Variants in SETBP1 observed in about 807,000 individuals in gnomAD.
The protein encoded by SETBP1 is SET binding protein 1, also known as SET-binding protein.
Under a neutral mutation model 101.0 loss-of-function variants are expected in SETBP1, and 9 were observed. The ratio of observed to expected loss-of-function variants is 0.09; its 90% CI spans 0.05 to 0.16. The LOEUF is 0.16. Among genes scored for constraint, SETBP1 ranks in the 10% least tolerant of loss-of-function variants. The probability of loss-of-function intolerance (pLI) is 1.00; values close to 1 mark genes in which losing one functional copy is unlikely to be tolerated. For synonymous variants in SETBP1, 818 were observed against 788.5 expected, an observed-to-expected ratio of 1.04 and a Z score of -0.63; for missense variants, 1,858 against 2,033.8, an observed-to-expected ratio of 0.91 and a Z score of 1.66.
chr18:44,700,886 A>C (rs1364467966), intron 1 of SETBP1, among the ~76,000 whole-genome samples: 2 of 151,916 alleles, frequency 1.3e-5, no homozygotes, highest in Non-Finnish European at 2.9e-5. Context: ...GTATAAAGAA[A>C]CCTCTAGCTT....
chr18:44,708,753 GAAAAGA>G (rs1412879103), intron 2 of SETBP1, among the ~76,000 whole-genome samples: 91 of 151,766 alleles, frequency 6.0e-4, no homozygotes, highest in Non-Finnish European at 1.0e-3. Flanking sequence ...GAAAAGAAAA[GAAAAGA>G]AAAGAAAAAG....
intron 4 of SETBP1, among the ~76,000 whole-genome samples, chr18:45,019,791 A>AT (rs372462576): frequency 1.3e-5 from 2 of 151,862 alleles, no homozygotes; most frequent in Admixed American, 6.6e-5. Flanking sequence ...GTTGACAAGA[A>AT]TTTTTTTTTA....
At chr18:44,974,212 C>T (rs188497381) in intron 4 of SETBP1, among the ~76,000 whole-genome samples, 1 of 152,250 alleles carries the variant, frequency 6.6e-6, no homozygotes, top group East Asian at 1.9e-4. Context: ...TGTGTATGGG[C>T]CCTGGTCATG....
intron 4 of SETBP1, among the ~76,000 whole-genome samples, chr18:44,954,924 T>TA (rs1411465440): frequency 6.6e-6 from 1 of 152,224 alleles, no homozygotes; most frequent in Non-Finnish European, 1.5e-5. Flanking sequence ...TCATGGGACT[T>TA]ACACTAGCTG....
intron 3 of SETBP1, among the ~76,000 whole-genome samples, chr18:44,900,085 C>T (rs906933608): frequency 2.0e-5 from 3 of 152,142 alleles, no homozygotes. Flanking sequence ...AATTTGCCAA[C>T]CCCTGGACTA....
chr18:44,780,997 G>C (rs2071118747), intron 2 of SETBP1, among the ~76,000 whole-genome samples: 1 of 152,150 alleles, frequency 6.6e-6, no homozygotes, highest in Non-Finnish European at 1.5e-5. Flanking sequence ...CCTAAGGCAA[G>C]GGTAAATCCA....
At chr18:44,964,654 C>T (rs1476241124) in intron 4 of SETBP1, among the ~76,000 whole-genome samples, 1 of 151,726 alleles carries the variant, frequency 6.6e-6, no homozygotes, top group Non-Finnish European at 1.5e-5. Flanking sequence ...CTAAAGTCAC[C>T]TACAATCCCA....
At chr18:45,033,390 G>A (rs904878591) in intron 4 of SETBP1, among the ~76,000 whole-genome samples, 2 of 152,202 alleles carry the variant, frequency 1.3e-5, no homozygotes, top group African/African-American at 4.8e-5. Context: ...TAAATTAGGA[G>A]TTTTACCATT....
chr18:44,945,307 T>C (rs1599358011), intron 3 of SETBP1, among the ~76,000 whole-genome samples: 1 of 152,204 alleles, frequency 6.6e-6, no homozygotes, highest in Middle Eastern at 3.4e-3. Flanking sequence ...CATCAAAAAG[T>C]GGGCACACAC....
At chr18:44,893,358 A>G (rs1197801879) in intron 3 of SETBP1, among the ~76,000 whole-genome samples, 1 of 152,192 alleles carries the variant, frequency 6.6e-6, no homozygotes, top group Non-Finnish European at 1.5e-5. Flanking sequence ...GGTTCTATGA[A>G]TGCTCCATTT....
intron 4 of SETBP1, among the ~76,000 whole-genome samples, chr18:44,969,911 C>T (rs1415219761): frequency 1.8e-4 from 28 of 152,134 alleles, no homozygotes. Flanking sequence ...GGTGTAGGTG[C>T]ACCTGGAAAA....
At chr18:44,795,984 C>G (rs772547133) in intron 2 of SETBP1, among the ~76,000 whole-genome samples, 4 of 152,206 alleles carry the variant, frequency 2.6e-5, no homozygotes, top group South Asian at 2.1e-4. Context: ...TTCTCCTTTT[C>G]CACTGTTAAT....
At chr18:44,921,803 A>G (rs2070587501) in intron 3 of SETBP1, among the ~76,000 whole-genome samples, 1 of 152,142 alleles carries the variant, frequency 6.6e-6, no homozygotes, top group Admixed American at 6.6e-5. Context: ...AAATGTCAGC[A>G]TGAAGCTTTA....
At chr18:44,932,086 C>T (rs891597816) in intron 3 of SETBP1, among the ~76,000 whole-genome samples, 36 of 152,126 alleles carry the variant, frequency 2.4e-4, no homozygotes, top group African/African-American at 8.7e-4. Context: ...ACTGGTTGTT[C>T]CTTTCCATGT....
chr18:44,935,015 G>A (rs1274270933), intron 3 of SETBP1, among the ~76,000 whole-genome samples: 2 of 152,212 alleles, frequency 1.3e-5, no homozygotes, highest in African/African-American at 4.8e-5. Flanking sequence ...CATTGTGATG[G>A]GAAGCCATCA....
intron 2 of SETBP1, among the ~76,000 whole-genome samples, chr18:44,702,955 A>G (rs2069143386): frequency 6.6e-6 from 1 of 152,208 alleles, no homozygotes; most frequent in Non-Finnish European, 1.5e-5. Context: ...CAAAGTAGCT[A>G]GACAGGTGGT....
chr18:44,838,810 G>A (rs1202283939), intron 2 of SETBP1, among the ~76,000 whole-genome samples: 1 of 149,880 alleles, frequency 6.7e-6, no homozygotes, highest in African/African-American at 2.5e-5. Context: ...CGGAAAACAG[G>A]AACACCCAGA....
In SETBP1 at chr18:45,067,875, A is replaced by G. The variant is rs991892204; in HGVS notation, c.*4177A>G. On this transcript the variant is annotated 3_prime_UTR_variant, in exon 6 of 6. Coordinates refer to ENST00000649279, the MANE Select transcript of SETBP1 (RefSeq NM_015559.3). ...AGGTCTAATAAACACTAAAGGGGGG[A>G]AATTGAAAGGAGCTGCCAACTGGTC... The G allele has an allele frequency of 3.3e-5, 5 of 152,108 alleles. No individual in the cohort carries two copies. The highest frequency in any genetic ancestry group is 7.4e-5 in the Non-Finnish European group (5 of 68,022). The allele number at this position is 152,108 out of a possible 1,614,324, so 9.4% of individuals were successfully genotyped here. A position where few individuals can be genotyped will look rare whatever the true frequency, so the allele number is the denominator to read the frequency against.
intron 4 of SETBP1, among the ~76,000 whole-genome samples, chr18:44,958,528 AC>A (rs1252521280): frequency 1.3e-5 from 2 of 152,198 alleles, no homozygotes; most frequent in African/African-American, 4.8e-5. Flanking sequence ...ATAATGTAGT[AC>A]AAACATCTCA....
Sources: gnomAD v4.1 joint callset for allele counts (sites outside exome capture counted in the v4.1 genomes callset) on GRCh38, gnomAD v4.1.1 for gene constraint, MANE v1.5 for transcripts, NCBI Gene and HGNC (gene_info 2026-07-23, HGNC 2026-07-21) for gene names.